Variants in DLG2 observed in about 807,000 individuals in gnomAD.
DLG2 encodes disks large homolog 2.
In DLG2, 45 loss-of-function variants were observed where a neutral mutation model predicts 132.5. The observed-to-expected ratio is 0.34, with a 90% CI of 0.27 to 0.44. The LOEUF (loss-of-function observed/expected upper bound fraction) is 0.44. Among genes scored for constraint, DLG2 ranks in the 20% least tolerant of loss-of-function variants. DLG2 has a pLI of 1.00. For missense variants in DLG2, 1,045 were observed against 1,196.9 expected, an observed-to-expected ratio of 0.87 and a Z score of 1.87; for synonymous variants, 424 against 419.6, an observed-to-expected ratio of 1.01 and a Z score of -0.13.
chr11:83,645,476 C>T (rs1033437800), intron 18 of DLG2, among the ~76,000 whole-genome samples: 11 of 152,004 alleles, frequency 7.2e-5, no homozygotes, highest in African/African-American at 2.2e-4. Context: ...CTAATCTGAC[C>T]ATTCTATCCT....
chr11:85,359,908 T>C (rs371145375), intron 3 of DLG2, among the ~76,000 whole-genome samples: 1 of 152,204 alleles, frequency 6.6e-6, no homozygotes, highest in African/African-American at 2.4e-5. Flanking sequence ...TAAAGAACTA[T>C]CGTGTGAAAA....
chr11:84,378,549 A>G (rs2098737939), intron 7 of DLG2, among the ~76,000 whole-genome samples: 1 of 152,054 alleles, frequency 6.6e-6, no homozygotes, highest in Non-Finnish European at 1.5e-5. Flanking sequence ...TGGGGGGAAA[A>G]ATCTCGCCTG....
intron 4 of DLG2, among the ~76,000 whole-genome samples, chr11:85,160,450 C>T (rs1407092773): frequency 6.6e-6 from 1 of 152,166 alleles, no homozygotes; most frequent in Non-Finnish European, 1.5e-5. Flanking sequence ...GATAAGTACT[C>T]TCCTTTTGAG....
chr11:84,587,437 T>C (rs1190177514), intron 6 of DLG2, among the ~76,000 whole-genome samples: 1 of 152,242 alleles, frequency 6.6e-6, no homozygotes, highest in African/African-American at 2.4e-5. Flanking sequence ...TTATCATTTT[T>C]TACTATTAAA....
intron 21 of DLG2, among the ~76,000 whole-genome samples, chr11:83,491,386 T>C (rs2093835449): frequency 6.6e-6 from 1 of 152,046 alleles, no homozygotes; most frequent in South Asian, 2.1e-4. Context: ...TGAAATTCAA[T>C]TTAGAGTTCT....
chr11:83,892,699 T>TA (rs5793090), intron 15 of DLG2, among the ~76,000 whole-genome samples: 17,798 of 146,950 alleles, frequency 0.12, 1,598 homozygotes, highest in African/African-American at 0.25. Context: ...TGCAAAGAAT[T>TA]AAAAAAAAAA....
intron 7 of DLG2, chr11:84,316,949 C>T: frequency 1.2e-6 from 2 of 1,612,754 alleles, no homozygotes; most frequent in Admixed American, 1.7e-5. Flanking sequence ...GAAGCTGGAC[C>T]CCCCGGTCCT....
intron 4 of DLG2, among the ~76,000 whole-genome samples, chr11:85,276,085 T>C (rs573265392): frequency 6.6e-6 from 1 of 152,284 alleles, no homozygotes; most frequent in African/African-American, 2.4e-5. Flanking sequence ...GCTTGTATAG[T>C]ATGGATATTC....
chr11:83,610,840 G>A (rs1040148240), intron 19 of DLG2, among the ~76,000 whole-genome samples: 2 of 152,266 alleles, frequency 1.3e-5, no homozygotes, highest in African/African-American at 4.8e-5. Flanking sequence ...GGAGAAAACT[G>A]AGACTTAGAG....
chr11:84,268,838 T>A (rs2097682857), intron 7 of DLG2, among the ~76,000 whole-genome samples: 1 of 152,094 alleles, frequency 6.6e-6, no homozygotes, highest in South Asian at 2.1e-4. Flanking sequence ...AGATAATACA[T>A]GTAAAATGCT....
intron 4 of DLG2, among the ~76,000 whole-genome samples, chr11:85,174,321 T>C (rs1279663910): frequency 2.0e-5 from 3 of 152,154 alleles, no homozygotes; most frequent in Admixed American, 2.0e-4. Flanking sequence ...AGAAACTTAT[T>C]TAAAACCACA....
At chr11:84,555,967 G>A (rs750277017) in intron 6 of DLG2, among the ~76,000 whole-genome samples, 11 of 152,148 alleles carry the variant, frequency 7.2e-5, no homozygotes, top group Non-Finnish European at 1.2e-4. Context: ...GCAGGCCAAT[G>A]AGCTCAGCCC....
chr11:84,929,002 A>G lies in DLG2; in HGVS notation c.357+182659T>C, dbSNP rs1357601782. On this transcript the variant is annotated intron_variant, in intron 6 of 27. Coordinates refer to ENST00000376104, the MANE Select transcript of DLG2 (RefSeq NM_001142699.3). ...TGTGTGTATATATATATATATATAT[A>G]TATATATATATATATATATATATTA... Among the ~76,000 whole-genome samples, 116 of 127,490 alleles carry G rather than the reference A, an allele frequency of 9.1e-4. 1 individual carries two copies. The highest frequency in any genetic ancestry group is 6.4e-3 in the East Asian group (28 of 4,394). 83.6% of individuals were successfully genotyped at this position (127,490 alleles called of 152,430 possible).
At chr11:84,844,915 T>C (rs1327144851) in intron 6 of DLG2, among the ~76,000 whole-genome samples, 6 of 152,270 alleles carry the variant, frequency 3.9e-5, no homozygotes, top group South Asian at 2.1e-4. Context: ...AATGAATGGA[T>C]TGATATGCAA....
chr11:84,044,322 TAC>T (rs2096186978), intron 11 of DLG2, among the ~76,000 whole-genome samples: 1 of 151,820 alleles, frequency 6.6e-6, no homozygotes, highest in African/African-American at 2.4e-5. Context: ...GCGGCATTCT[TAC>T]AGAGTTACTA....
At chr11:84,150,146 G>A (rs576311163) in intron 9 of DLG2, among the ~76,000 whole-genome samples, 1 of 152,238 alleles carries the variant, frequency 6.6e-6, no homozygotes, top group Non-Finnish European at 1.5e-5. Flanking sequence ...AAACCACTCT[G>A]GTCAGTATGG....
At chr11:83,634,023 A>C (rs1201135512) in intron 18 of DLG2, among the ~76,000 whole-genome samples, 1 of 151,922 alleles carries the variant, frequency 6.6e-6, no homozygotes, top group Non-Finnish European at 1.5e-5. Flanking sequence ...TTGAGGAGAG[A>C]CTCTAGTTAC....
intron 6 of DLG2, among the ~76,000 whole-genome samples, chr11:84,853,098 A>C (rs752641831): frequency 3.3e-5 from 5 of 152,020 alleles, no homozygotes; most frequent in Non-Finnish European, 7.4e-5. Flanking sequence ...AGTTTTATTG[A>C]TGAAAAACTT....
chr11:85,051,647 C>A (rs472406), intron 6 of DLG2, among the ~76,000 whole-genome samples: 1 of 151,950 alleles, frequency 6.6e-6, no homozygotes, highest in Admixed American at 6.6e-5. Flanking sequence ...ATTTATAGTG[C>A]GGAGTTGTGA....
Sources: gnomAD v4.1 joint callset for allele counts (sites outside exome capture counted in the v4.1 genomes callset) on GRCh38, gnomAD v4.1.1 for gene constraint, MANE v1.5 for transcripts, NCBI Gene and HGNC (gene_info 2026-07-23, HGNC 2026-07-21) for gene names.